GRHL3: variants seen among roughly 807,000 people sequenced by gnomAD.
The protein encoded by GRHL3 is grainyhead like transcription factor 3, also known as grainyhead-like protein 3 homolog.
GRHL3 carries 20 observed loss-of-function variants against 70.3 expected under a neutral mutation model. The ratio of observed to expected loss-of-function variants is 0.28; its 90% CI spans 0.20 to 0.41. The LOEUF (loss-of-function observed/expected upper bound fraction) is 0.41, where lower values mean the gene tolerates loss of function less well. Among genes scored for constraint, GRHL3 ranks in the 10% least tolerant of loss-of-function variants. The probability of loss-of-function intolerance (pLI) is 1.00; values close to 1 mark genes in which losing one functional copy is unlikely to be tolerated. For synonymous variants in GRHL3, 299 were observed against 299.9 expected (o/e 1.00, Z 0.03); for missense variants, 637 against 762.3 (o/e 0.84, Z 1.94).
chr1:24,331,655 G>T, intron 2 of GRHL3, 43 bp downstream of exon 2: 1 of 1,556,124 alleles, frequency 6.4e-7, no homozygotes, highest in Non-Finnish European at 8.8e-7. Flanking sequence ...TGACTGAATG[G>T]GTGTCTTCAC....
chr1:24,337,926 G>T (rs1196047701), intron 6 of GRHL3, 66 bp from the exon 7 acceptor site: 42 of 1,545,624 alleles, frequency 2.7e-5, no homozygotes, highest in Non-Finnish European at 3.7e-5. Flanking sequence ...TGAGGCAAAA[G>T]GGCAGGCCAT....
downstream of GRHL3, among the ~76,000 whole-genome samples, chr1:24,356,139 T>C (rs947017017): frequency 1.3e-5 from 2 of 152,196 alleles, no homozygotes; most frequent in Non-Finnish European, 2.9e-5. Context: ...GACCTTGTGA[T>C]CCACTCGCCT....
intron 15 of GRHL3, among the ~76,000 whole-genome samples, chr1:24,360,380 C>T (rs751315960): frequency 7.2e-5 from 11 of 152,136 alleles, no homozygotes; most frequent in Middle Eastern, 3.4e-3. Context: ...ACCTGGGAGG[C>T]GGAAGTTGTG....
At chr1:24,352,039 G>T (rs887029021) in intron 15 of GRHL3, among the ~76,000 whole-genome samples, 1 of 152,064 alleles carries the variant, frequency 6.6e-6, no homozygotes, top group Non-Finnish European at 1.5e-5. Context: ...AAAGGATGCA[G>T]CCAGGCTGGC....
chr1:24,346,422 C>A, intron 12 of GRHL3, 131 bp from the exon 13 acceptor site: 1 of 620,710 alleles, frequency 1.6e-6, no homozygotes, highest in Non-Finnish European at 2.9e-6. Context: ...TTTACCCCCA[C>A]TGTCCCTCTG....
chr1:24,355,517 C>T (rs148816768), downstream of GRHL3, among the ~76,000 whole-genome samples: 1 of 152,244 alleles, frequency 6.6e-6, no homozygotes, highest in East Asian at 1.9e-4. Flanking sequence ...ATTCCTGATG[C>T]CCAGATGTTT....
intron 3 of GRHL3, among the ~76,000 whole-genome samples, chr1:24,336,120 C>A (rs545151374): frequency 6.6e-6 from 1 of 152,130 alleles, no homozygotes. Context: ...GTACACACCC[C>A]GCTAGGGTTG....
At chr1:24,349,047 C>T (rs1640401402) in intron 14 of GRHL3, among the ~76,000 whole-genome samples, 1 of 152,220 alleles carries the variant, frequency 6.6e-6, no homozygotes, top group Non-Finnish European at 1.5e-5. Context: ...AGTGTGTGTA[C>T]ATCCTATTAC....
Position 24,329,617 on chromosome 1 carries a change from C to T in GRHL3, c.18-1809C>T, listed in dbSNP as rs115794567. ...ACTCAGGTTCCTTTATCTTAACAGACGAAGCAAATGATCCTTACCTTGTAG... is the reference window on the plus strand; with the variant it reads ...ACTCAGGTTCCTTTATCTTAACAGATGAAGCAAATGATCCTTACCTTGTAG... On this transcript the variant is annotated intron_variant, in intron 1 of 15. Coordinates refer to ENST00000361548, the MANE Select transcript of GRHL3 (RefSeq NM_198173.3). 9.2e-4 allele frequency among the ~76,000 whole-genome samples: 140 copies of T among 152,286 alleles called. 2 individuals carry two copies. The highest frequency in any genetic ancestry group is 2.7e-3 in the Admixed American group (41 of 15,298).
chr1:24,330,299 G>A (rs536112670), intron 1 of GRHL3, among the ~76,000 whole-genome samples: 13 of 152,160 alleles, frequency 8.5e-5, no homozygotes, highest in Non-Finnish European at 1.6e-4. Flanking sequence ...TGCTGTGAAA[G>A]CGATCTATGT....
chr1:24,327,342 C>T (rs1175073634), intron 1 of GRHL3, among the ~76,000 whole-genome samples: 2 of 152,194 alleles, frequency 1.3e-5, no homozygotes, highest in East Asian at 1.9e-4. Flanking sequence ...GAAGCAGAGT[C>T]TTATCTGTCT....
intron 7 of GRHL3, among the ~76,000 whole-genome samples, chr1:24,338,412 G>A (rs1456856782): frequency 6.6e-6 from 1 of 152,252 alleles, no homozygotes; most frequent in Non-Finnish European, 1.5e-5. Flanking sequence ...TAAGGTGCAG[G>A]CAGCAGGTTC....
chr1:24,354,420 C>T lies in GRHL3; in HGVS notation c.1741C>T (p.His581Tyr), dbSNP rs141994672. ...DNNIIQHYSN[H>Y]VAFLLDMGEL... ...CAACATCATTCAGCATTACAGCAACCACGTCGCCTTCCTGCTGGACATGGG... is the reference window on the plus strand; with the variant it reads ...CAACATCATTCAGCATTACAGCAACTACGTCGCCTTCCTGCTGGACATGGG... The change falls in exon 16 of 16, where the codon CAC becomes TAC. Residue 581 changes from histidine to tyrosine, a missense_variant. By Grantham distance (83) the His-to-Tyr change is moderately conservative. Around this residue, in one of 2 missense-constraint regions of GRHL3, gnomAD observed 387 missense variants for 513.8 expected, o/e 0.75. Coordinates refer to ENST00000361548, the MANE Select transcript of GRHL3 (RefSeq NM_198173.3). The T allele has an allele frequency of 6.0e-4, 974 of 1,613,782 alleles. 1 individual carries two copies. Among genetic ancestry groups the T allele is most frequent in the Non-Finnish European group, 7.5e-4 (890 of 1,179,848 alleles).
At chr1:24,320,414 G>T (rs566060995) in intron 1 of GRHL3, among the ~76,000 whole-genome samples, 1 of 152,176 alleles carries the variant, frequency 6.6e-6, no homozygotes. Context: ...TCTTCACCAT[G>T]ATGTCCTTCT....
At chr1:24,356,631 T>G (rs1640728684), downstream of GRHL3, among the ~76,000 whole-genome samples, 1 of 152,182 alleles carries the variant, frequency 6.6e-6, no homozygotes, top group South Asian at 2.1e-4. Context: ...AGCCCTCAGT[T>G]TCTTTGGCTA....
chr1:24,350,847 T>C (rs2148666521), intron 15 of GRHL3, among the ~76,000 whole-genome samples: 1 of 152,352 alleles, frequency 6.6e-6, no homozygotes, highest in Non-Finnish European at 1.5e-5. Context: ...CATGGGCTCC[T>C]GGGCACCAGA....
chr1:24,330,786 A>G (rs1639573849), intron 1 of GRHL3, among the ~76,000 whole-genome samples: 1 of 152,230 alleles, frequency 6.6e-6, no homozygotes, highest in South Asian at 2.1e-4. Context: ...TCTCAGCACC[A>G]GTACCCGGGT....
At chr1:24,339,907 A>T in intron 8 of GRHL3, 145 bp downstream of exon 8, 1 of 507,862 alleles carries the variant, frequency 2.0e-6, no homozygotes. Flanking sequence ...GTAGTATGGA[A>T]GCTTGGGCTT....
chr1:24,364,378 C>A, exon 16 of GRHL3: 1 of 1,532,692 alleles, frequency 6.5e-7, no homozygotes. Context: ...ATGACACACC[C>A]ACCTGGAGGA....
Sources: allele counts gnomAD v4.1 joint callset (sites outside exome capture counted in the v4.1 genomes callset), GRCh38; gene constraint gnomAD v4.1.1; regional missense constraint gnomAD v4.1.1; transcripts MANE v1.5; gene names NCBI Gene and HGNC (gene_info 2026-07-23, HGNC 2026-07-21).